Variants in DYTN observed in about 807,000 individuals in gnomAD.
The protein encoded by DYTN is dystrotelin.
In DYTN, 75 loss-of-function variants were observed where a neutral mutation model predicts 69.6. The observed-to-expected ratio is 1.08, with a 90% CI of 0.89 to 1.31. The LOEUF (loss-of-function observed/expected upper bound fraction) is 1.31. Ranked by LOEUF, DYTN falls within the 50% of genes most tolerant of loss-of-function variation. DYTN has a pLI of 0.00. For synonymous variants in DYTN, 252 were observed against 249.1 expected (o/e 1.01, Z -0.11); for missense variants, 726 against 688.4 (o/e 1.05, Z -0.61).
chr2:206,654,137 A>G (rs1403661619), intron 11 of DYTN, among the ~76,000 whole-genome samples: 1 of 152,344 alleles, frequency 6.6e-6, no homozygotes, highest in East Asian at 1.9e-4. Context: ...TGGAGCTTAA[A>G]TGCTGGAAAT....
At chr2:206,711,179 G>A (rs896720101) in intron 1 of DYTN, among the ~76,000 whole-genome samples, 14 of 152,220 alleles carry the variant, frequency 9.2e-5, no homozygotes, top group African/African-American at 1.7e-4. Flanking sequence ...ATTAGTGTTC[G>A]CGGTTATTTT....
intron 2 of DYTN, 107 bp from the exon 3 acceptor site, chr2:206,707,610 G>A (rs1420351715): frequency 8.9e-7 from 1 of 1,127,852 alleles, no homozygotes; most frequent in South Asian, 1.6e-5. Flanking sequence ...TTTTATGGTC[G>A]CTATTTTCTT....
chr2:206,653,145 G>A (rs1699406937), intron 11 of DYTN, among the ~76,000 whole-genome samples: 1 of 152,102 alleles, frequency 6.6e-6, no homozygotes, highest in African/African-American at 2.4e-5. Flanking sequence ...TTTATTGTCT[G>A]ACTAACAAAC....
chr2:206,683,339 CTTTTTTTTT>C (rs10531348), intron 9 of DYTN, among the ~76,000 whole-genome samples: 1 of 111,930 alleles, frequency 8.9e-6, no homozygotes, highest in Non-Finnish European at 1.8e-5. Flanking sequence ...TTTACTTTTT[CTTTTTTTTT>C]TTTTTTTTTT....
rs548618365 is a variant in DYTN at position 206,702,018 on chromosome 2, C to T, written c.484-1802G>A. On this transcript the variant is annotated intron_variant, in intron 5 of 11. Transcript: ENST00000452335. ...CAAGTTAGCAGCAGAATTGGGGTCTCACTCCAGGACTCTTACTCTTTCTTG... is the reference window on the plus strand; with the variant it reads ...CAAGTTAGCAGCAGAATTGGGGTCTTACTCCAGGACTCTTACTCTTTCTTG... Among the ~76,000 whole-genome samples, 133 of 152,318 alleles carry T rather than the reference C, an allele frequency of 8.7e-4. 1 individual carries two copies. The highest frequency in any genetic ancestry group is 3.1e-3 in the African/African-American group (128 of 41,578).
At chr2:206,663,776 TG>T (rs940378543) in intron 10 of DYTN, among the ~76,000 whole-genome samples, 2 of 152,216 alleles carry the variant, frequency 1.3e-5, no homozygotes, top group African/African-American at 4.8e-5. Context: ...GTAGGTGTGT[TG>T]TGAAGGGTTT....
chr2:206,692,701 A>T (rs6709798), intron 9 of DYTN, among the ~76,000 whole-genome samples: 43,802 of 151,898 alleles, frequency 0.29, 6,556 homozygotes, highest in East Asian at 0.42. Context: ...AGAATGAAAA[A>T]TTGTATCTAT....
At chr2:206,677,627 A>G (rs1457349492) in intron 9 of DYTN, among the ~76,000 whole-genome samples, 1 of 152,232 alleles carries the variant, frequency 6.6e-6, no homozygotes, top group East Asian at 1.9e-4. Flanking sequence ...GAGTCATTTG[A>G]TTTCTCAATG....
At chr2:206,691,044 T>C (rs1328070607) in intron 9 of DYTN, among the ~76,000 whole-genome samples, 1 of 152,150 alleles carries the variant, frequency 6.6e-6, no homozygotes, top group Non-Finnish European at 1.5e-5. Context: ...GATGAGTGGG[T>C]GAGAAGTGCT....
At chr2:206,712,988 C>A (rs949302926) in intron 1 of DYTN, among the ~76,000 whole-genome samples, 1 of 152,176 alleles carries the variant, frequency 6.6e-6, no homozygotes. Context: ...GTGTAGCTTG[C>A]GAATGAAATC....
In DYTN at chr2:206,666,016, G is replaced by A. The variant is rs1559306176; in HGVS notation, c.994C>T (p.Gln332Ter). The change falls in exon 10 of 12, where the codon CAG becomes TAG. Residue 332 changes from glutamine to a stop codon, truncating the protein, a stop_gained. Coordinates refer to ENST00000452335, the MANE Select transcript of DYTN (RefSeq NM_001093730.1). LOFTEE classifies it high-confidence loss of function. ...AACTTGTCTTTGTATTGGTTTAACT[G>A]TTTTTTAAGGAGCCTGAAAAGAGAA... ...HHAQARLLKK[Q>*]LNQYKDKLQA... 1 of 1,613,678 alleles carries A rather than the reference G, an allele frequency of 6.2e-7. No homozygotes were observed. Among genetic ancestry groups the A allele is most frequent in the Non-Finnish European group, 8.5e-7 (1 of 1,179,752 alleles).
intron 7 of DYTN, among the ~76,000 whole-genome samples, chr2:206,697,657 A>C (rs2105898731): frequency 6.6e-6 from 1 of 152,300 alleles, no homozygotes; most frequent in East Asian, 1.9e-4. Flanking sequence ...AACAAAACAA[A>C]CCAAAAAACA....
intron 1 of DYTN, among the ~76,000 whole-genome samples, chr2:206,711,358 A>G (rs1226007494): frequency 1.3e-5 from 2 of 152,314 alleles, no homozygotes; most frequent in African/African-American, 4.8e-5. Flanking sequence ...TTCACAGTGT[A>G]GAGGAGAGGA....
chr2:206,664,154 G>A (rs1197652574), intron 10 of DYTN, among the ~76,000 whole-genome samples: 1 of 151,804 alleles, frequency 6.6e-6, no homozygotes, highest in Non-Finnish European at 1.5e-5. Flanking sequence ...ATGAACACAT[G>A]TCTTTTAAAT....
intron 11 of DYTN, among the ~76,000 whole-genome samples, chr2:206,661,832 C>A (rs1699515919): frequency 6.6e-6 from 1 of 152,144 alleles, no homozygotes; most frequent in Non-Finnish European, 1.5e-5. Flanking sequence ...CACCCCTAAT[C>A]CCTGCATTGT....
intron 9 of DYTN, among the ~76,000 whole-genome samples, chr2:206,683,588 C>T (rs1699774584): frequency 6.6e-6 from 1 of 151,954 alleles, no homozygotes; most frequent in African/African-American, 2.4e-5. Context: ...ATGTGATTTG[C>T]CCACCTTGGC....
chr2:206,657,054 G>T (rs1008888777), intron 11 of DYTN, among the ~76,000 whole-genome samples: 1 of 151,974 alleles, frequency 6.6e-6, no homozygotes, highest in South Asian at 2.1e-4. Context: ...GAGCCATCTC[G>T]CCCAGCCATC....
chr2:206,691,377 C>T (rs898444770), intron 9 of DYTN, among the ~76,000 whole-genome samples: 2 of 152,076 alleles, frequency 1.3e-5, no homozygotes, highest in African/African-American at 4.8e-5. Context: ...GGTGCCACTA[C>T]ACTCCAACCT....
At chr2:206,668,814 T>C (rs1211553352) in intron 9 of DYTN, among the ~76,000 whole-genome samples, 1 of 151,764 alleles carries the variant, frequency 6.6e-6, no homozygotes, top group African/African-American at 2.4e-5. Flanking sequence ...TGAGGGCAGT[T>C]TTCCCCATGC....
Sources: gnomAD v4.1 joint callset for allele counts (sites outside exome capture counted in the v4.1 genomes callset) on GRCh38, gnomAD v4.1.1 for gene constraint, MANE v1.5 for transcripts, NCBI Gene and HGNC (gene_info 2026-07-23, HGNC 2026-07-21) for gene names.